The following EIF3L variants were observed in gnomAD, a reference collection of about 807,000 sequenced individuals.
The protein encoded by EIF3L is eIEF associated protein HSPC021.
In EIF3L, 32 loss-of-function variants were observed where a neutral mutation model predicts 74.6. That is an observed-to-expected ratio of 0.43 (90% CI 0.32 to 0.58). The LOEUF is 0.58. Ranked by LOEUF, EIF3L falls within the 20% of genes least tolerant of loss-of-function variation. The probability of loss-of-function intolerance (pLI) is 0.06; values close to 1 mark genes in which losing one functional copy is unlikely to be tolerated. For missense variants in EIF3L, 474 were observed against 707.8 expected (o/e 0.67, Z 3.75); for synonymous variants, 256 against 254.4 (o/e 1.01, Z -0.06).
Position 37,850,029 on chromosome 22 carries a change from C to T in EIF3L, c.48C>T (p.Pro16=), listed in dbSNP as rs370497114. The T allele has an allele frequency of 2.0e-5, 32 of 1,613,640 alleles. No individual in the cohort carries two copies. The highest frequency in any genetic ancestry group is 1.6e-4 in the Middle Eastern group (1 of 6,078). The stretch of plus-strand genomic sequence containing the variant: ...TTTCCTTCTAGGCGGCTTATGACCC[C>T]TACGCTTATCCCAGCGACTATGATA... ...DDYESEAAYD[P]YAYPSDYDMH... is the part of the protein sequence containing the mutation. Residue 16 remains proline, a synonymous_variant, in exon 2 of 13, where the codon CCC becomes CCT. Transcript: ENST00000652021.
chr22:37,864,304 C>T (rs570758293), intron 7 of EIF3L, among the ~76,000 whole-genome samples: 217 of 152,332 alleles, frequency 1.4e-3, no homozygotes, highest in African/African-American at 5.1e-3. Flanking sequence ...AGCCTCTTGA[C>T]TTGGCCTCCC....
intron 3 of EIF3L, among the ~76,000 whole-genome samples, chr22:37,853,501 G>A (rs1449340541): frequency 2.0e-5 from 3 of 152,316 alleles, no homozygotes; most frequent in Non-Finnish European, 2.9e-5. Flanking sequence ...GGGCATGGTG[G>A]CAGCATGCCT....
chr22:37,855,156 G>A (rs375642240), intron 3 of EIF3L, among the ~76,000 whole-genome samples: 1 of 152,188 alleles, frequency 6.6e-6, no homozygotes, highest in Non-Finnish European at 1.5e-5. Context: ...CTGTAGGTCT[G>A]TTGTGGCCTT....
intron 9 of EIF3L, 133 bp downstream of exon 9, chr22:37,874,657 T>A: frequency 1.9e-6 from 2 of 1,068,562 alleles, no homozygotes; most frequent in Non-Finnish European, 2.6e-6. Flanking sequence ...AAGTTGAGAC[T>A]AAAACTGGGC....
chr22:37,878,321 T>A, intron 11 of EIF3L, 150 bp downstream of exon 11: 2 of 979,386 alleles, frequency 2.0e-6, no homozygotes, highest in Non-Finnish European at 1.5e-6. Flanking sequence ...CTCATGCCAG[T>A]AATACTAGTA....
Position 37,861,567 on chromosome 22 carries a change from C to G in EIF3L, c.436-1402C>G, listed in dbSNP as rs150469259. On this transcript the variant is annotated intron_variant, in intron 5 of 12. Transcript: ENST00000652021. ...GGCGTGGTGGCGTGTGCCTGTAATCCCAGCTACTCGGGAGGCTGAGACGGA... is the reference window on the plus strand; with the variant it reads ...GGCGTGGTGGCGTGTGCCTGTAATCGCAGCTACTCGGGAGGCTGAGACGGA... 6.1e-3 allele frequency among the ~76,000 whole-genome samples: 931 copies of G among 152,086 alleles called. 17 individuals carry two copies. The highest frequency in any genetic ancestry group is 0.022 in the African/African-American group (895 of 41,462).
At chr22:37,856,854 A>G (rs1191452499) in intron 4 of EIF3L, among the ~76,000 whole-genome samples, 1 of 151,786 alleles carries the variant, frequency 6.6e-6, no homozygotes, top group East Asian at 1.9e-4. Context: ...CAAAAAAAAA[A>G]AAAGAAAGAA....
intron 11 of EIF3L, chr22:37,884,060 C>T (rs749475649): frequency 6.6e-6 from 1 of 152,202 alleles, no homozygotes; most frequent in Non-Finnish European, 1.5e-5. Context: ...AGCAGTCACT[C>T]GCAGTTCCCC....
At chr22:37,874,164 T>C (rs1438892721) in intron 8 of EIF3L, among the ~76,000 whole-genome samples, 1 of 152,142 alleles carries the variant, frequency 6.6e-6, no homozygotes, top group Admixed American at 6.6e-5. Flanking sequence ...TGAACTGCCA[T>C]CCTGTAAGCA....
At chr22:37,883,410 T>C in intron 11 of EIF3L, 1 of 146,548 alleles carries the variant, frequency 6.8e-6, no homozygotes. Flanking sequence ...TGAAACCCTG[T>C]CTCTACTAAA....
Position 37,877,892 on chromosome 22 carries a change from C to T in EIF3L, c.1296C>T (p.His432=). The T allele has an allele frequency of 6.2e-7, 1 of 1,613,094 alleles. No individual in the cohort carries two copies. Among genetic ancestry groups the T allele is most frequent in the Non-Finnish European group, 8.5e-7 (1 of 1,179,858 alleles). ...TAGTGCCCAACTATGATAATGTGCA[C>T]CCCAACTACCACAAAGAGCCCTTCC... ...SPVVPNYDNV[H]PNYHKEPFLQ... Residue 432 remains histidine (H), a synonymous_variant, in exon 11 of 13, where the codon CAC becomes CAT. Transcript: ENST00000652021.
At chr22:37,872,344 G>A (rs1926520760) in intron 8 of EIF3L, among the ~76,000 whole-genome samples, 1 of 152,062 alleles carries the variant, frequency 6.6e-6, no homozygotes, top group Admixed American at 6.6e-5. Flanking sequence ...GGCTGCTCTT[G>A]AACTCCCGAG....
At chr22:37,881,933 G>A (rs191018937) in intron 11 of EIF3L, 6 of 152,272 alleles carry the variant, frequency 3.9e-5, no homozygotes, top group Admixed American at 2.0e-4. Context: ...CTGGAAGGAC[G>A]AGGCAGGAGA....
intron 3 of EIF3L, among the ~76,000 whole-genome samples, chr22:37,854,834 C>A (rs188608933): frequency 6.6e-6 from 1 of 152,258 alleles, no homozygotes; most frequent in African/African-American, 2.4e-5. Context: ...AGAGACAGGG[C>A]CTTCCTATAT....
At chr22:37,863,214 C>G in intron 6 of EIF3L, 58 bp from the exon 7 acceptor site, 2 of 1,470,722 alleles carry the variant, frequency 1.4e-6, no homozygotes, top group South Asian at 1.2e-5. Flanking sequence ...ATTCTGCAGC[C>G]TACAGAATGG....
At chr22:37,860,708 C>T (rs997828007) in intron 5 of EIF3L, among the ~76,000 whole-genome samples, 3 of 152,136 alleles carry the variant, frequency 2.0e-5, no homozygotes. Flanking sequence ...CTTTTCACTG[C>T]CACACTGCTG....
intron 8 of EIF3L, among the ~76,000 whole-genome samples, chr22:37,872,395 G>T (rs58413673): frequency 0.042 from 6,433 of 151,988 alleles, 446 homozygotes; most frequent in African/African-American, 0.14. Context: ...AAGTGCTGGG[G>T]TTACATGCAT....
Position 37,863,085 on chromosome 22 carries a change from T to C in EIF3L, c.505+47T>C, listed in dbSNP as rs752714112. The C allele has an allele frequency of 4.0e-6, 6 of 1,489,302 alleles. No homozygotes were observed. In the Admixed American group the frequency reaches 1.3e-4, roughly 31 times the overall value. The allele number at this position is 1,489,302 out of a possible 1,614,324, so 92.3% of individuals were successfully genotyped here. ...GAGGGTGTGTGTGGTTATGATGAGG[T>C]TCAGCATTGGCCTCCAGCTTTTTTT... On this transcript the variant is annotated intron_variant, in intron 6 of 12. Transcript: ENST00000652021.
Position 37,850,011 on chromosome 22 carries a change from C to G in EIF3L, c.34-4C>G. On this transcript the variant is annotated splice_region_variant and splice_polypyrimidine_tract_variant and intron_variant, in intron 1 of 12. Coordinates refer to ENST00000652021, the MANE Select transcript of EIF3L (RefSeq NM_016091.4). The stretch of plus-strand genomic sequence containing the variant: ...TGTCCTTGACTGTGTCTCTTTCCTT[C>G]TAGGCGGCTTATGACCCCTACGCTT... The G allele has an allele frequency of 6.2e-7, 1 of 1,613,706 alleles. No individual in the cohort carries two copies. The highest frequency in any genetic ancestry group is 8.5e-7 in the Non-Finnish European group (1 of 1,179,732).
Sources: allele counts gnomAD v4.1 joint callset (sites outside exome capture counted in the v4.1 genomes callset), GRCh38; gene constraint gnomAD v4.1.1; transcripts MANE v1.5; gene names NCBI Gene and HGNC (gene_info 2026-07-23, HGNC 2026-07-21).